Variants in ZBTB7C observed in about 807,000 individuals in gnomAD.
The protein encoded by ZBTB7C is zinc finger and BTB domain containing 7C.
Under a neutral mutation model 25.7 loss-of-function variants are expected in ZBTB7C, and 8 were observed. The observed-to-expected ratio is 0.31, with a 90% CI of 0.18 to 0.56. ZBTB7C has a LOEUF of 0.56. Among genes scored for constraint, ZBTB7C ranks in the 20% least tolerant of loss-of-function variants. The pLI is 0.91. For missense variants in ZBTB7C, 824 were observed against 855.2 expected (o/e 0.96, Z 0.46); for synonymous variants, 394 against 369.0 (o/e 1.07, Z -0.78).
At chr18:48,363,719 G>C (rs1404007415) in intron 1 of ZBTB7C, among the ~76,000 whole-genome samples, 1 of 152,034 alleles carries the variant, frequency 6.6e-6, no homozygotes, top group Non-Finnish European at 1.5e-5. Context: ...GCCATTGGGG[G>C]TGTATTCTTT....
chr18:48,370,856 A>G (rs770689153), intron 1 of ZBTB7C, among the ~76,000 whole-genome samples: 7 of 152,122 alleles, frequency 4.6e-5, no homozygotes, highest in Admixed American at 2.0e-4. Context: ...CAGAGAAAGC[A>G]CCTTTGAGAT....
intron 2 of ZBTB7C, among the ~76,000 whole-genome samples, chr18:48,201,386 T>G (rs143588158): frequency 9.9e-4 from 150 of 152,266 alleles, no homozygotes; most frequent in African/African-American, 3.4e-3. Context: ...AGGGGATTCT[T>G]TGTATCTTTA....
chr18:48,229,792 C>T (rs1190408649), intron 2 of ZBTB7C, among the ~76,000 whole-genome samples: 1 of 152,114 alleles, frequency 6.6e-6, no homozygotes, highest in Non-Finnish European at 1.5e-5. Context: ...CCTGACTGTC[C>T]ATCTCCCTCA....
chr18:48,072,729 A>G (rs988394189), intron 3 of ZBTB7C: 6 of 152,178 alleles, frequency 3.9e-5, no homozygotes, highest in African/African-American at 1.2e-4. Context: ...TGCTCCTCCA[A>G]TCCCACCTCC....
At chr18:48,049,480 G>A (rs1289453827) in intron 3 of ZBTB7C, among the ~76,000 whole-genome samples, 7 of 152,172 alleles carry the variant, frequency 4.6e-5, no homozygotes, top group African/African-American at 1.7e-4. Context: ...CCAGCAAGTA[G>A]GAACATGGTA....
chr18:48,224,353 G>A (rs1379373681), intron 2 of ZBTB7C, among the ~76,000 whole-genome samples: 1 of 152,164 alleles, frequency 6.6e-6, no homozygotes, highest in Non-Finnish European at 1.5e-5. Context: ...ACACCATACA[G>A]AGCTAAAAGC....
At chr18:48,344,263 C>A (rs1477266195) in intron 1 of ZBTB7C, among the ~76,000 whole-genome samples, 9 of 152,312 alleles carry the variant, frequency 5.9e-5, no homozygotes, top group Admixed American at 5.9e-4. Context: ...GGATTATAGG[C>A]GTGAGCCACC....
intron 3 of ZBTB7C, among the ~76,000 whole-genome samples, chr18:48,046,139 T>A (rs750043748): frequency 6.6e-5 from 10 of 152,258 alleles, no homozygotes; most frequent in Non-Finnish European, 1.3e-4. Context: ...AGGCAATAAA[T>A]GTTTATTCTC....
chr18:48,392,907 C>G (rs1386317487), intron 1 of ZBTB7C, among the ~76,000 whole-genome samples: 1 of 152,170 alleles, frequency 6.6e-6, no homozygotes, highest in African/African-American at 2.4e-5. Flanking sequence ...GCGATCCAGT[C>G]TCAGCTCTAC....
At chr18:48,233,251 C>T (rs914341921) in intron 2 of ZBTB7C, among the ~76,000 whole-genome samples, 1 of 151,976 alleles carries the variant, frequency 6.6e-6, no homozygotes, top group African/African-American at 2.4e-5. Flanking sequence ...TCCCTTCACC[C>T]CCCACCTTCC....
chr18:48,330,505 C>T (rs371591480), intron 2 of ZBTB7C, among the ~76,000 whole-genome samples: 1 of 152,132 alleles, frequency 6.6e-6, no homozygotes, highest in African/African-American at 2.4e-5. Flanking sequence ...TCACCACTGC[C>T]AGCCTTTTCC....
chr18:48,231,679 A>C (rs1304598671), intron 2 of ZBTB7C, among the ~76,000 whole-genome samples: 1 of 152,196 alleles, frequency 6.6e-6, no homozygotes, highest in Non-Finnish European at 1.5e-5. Context: ...AAAGAGCTTT[A>C]ACACAAACAG....
At chr18:48,075,942 A>C (rs552522786) in intron 3 of ZBTB7C, among the ~76,000 whole-genome samples, 1 of 152,318 alleles carries the variant, frequency 6.6e-6, no homozygotes, top group African/African-American at 2.4e-5. Flanking sequence ...TGTGCACCTA[A>C]GAGAGCGCCT....
intron 4 of ZBTB7C, among the ~76,000 whole-genome samples, chr18:48,030,721 C>T (rs1191553769): frequency 6.6e-5 from 10 of 152,228 alleles, no homozygotes; most frequent in Non-Finnish European, 1.5e-4. Flanking sequence ...AGGCAAGTTA[C>T]TTAACCTCAC....
At chr18:48,134,790 A>C (rs1351246875) in intron 3 of ZBTB7C, among the ~76,000 whole-genome samples, 4 of 152,212 alleles carry the variant, frequency 2.6e-5, no homozygotes, top group Admixed American at 1.3e-4. Flanking sequence ...TGTCATCTCC[A>C]GCTGGCATGT....
intron 2 of ZBTB7C, among the ~76,000 whole-genome samples, chr18:48,270,289 C>T (rs1271693051): frequency 2.4e-4 from 31 of 127,250 alleles, no homozygotes; most frequent in Non-Finnish European, 3.5e-4. Flanking sequence ...GATGGAGTCT[C>T]GCTCTGTTGC....
chr18:48,070,657 T>C (rs1260455807), intron 3 of ZBTB7C, among the ~76,000 whole-genome samples: 2 of 152,176 alleles, frequency 1.3e-5, no homozygotes, highest in African/African-American at 4.8e-5. Context: ...ATTGCTCCCT[T>C]AAACATCTGC....
chr18:48,342,761 C>T (rs1205059325), intron 1 of ZBTB7C, among the ~76,000 whole-genome samples: 1 of 152,068 alleles, frequency 6.6e-6, no homozygotes, highest in Non-Finnish European at 1.5e-5. Flanking sequence ...TAAGGAGCCA[C>T]TGGAGACAGC....
At chr18:48,103,116 C>CTATCTATG in intron 3 of ZBTB7C, among the ~76,000 whole-genome samples, 1 of 62,566 alleles carries the variant, frequency 1.6e-5, no homozygotes, top group Non-Finnish European at 3.3e-5. Flanking sequence ...TTTATATTAT[C>CTATCTATG]TATCTATCTA....
Sources: allele counts gnomAD v4.1 joint callset (sites outside exome capture counted in the v4.1 genomes callset), GRCh38; gene constraint gnomAD v4.1.1; transcripts MANE v1.5; gene names NCBI Gene and HGNC (gene_info 2026-07-23, HGNC 2026-07-21).